The following L3MBTL4 variants were observed in gnomAD, a reference collection of about 807,000 sequenced individuals.
L3MBTL4 encodes the protein lethal(3)malignant brain tumor-like protein 4.
A neutral mutation model predicts 84.5 loss-of-function variants in L3MBTL4; 70 were observed. The observed-to-expected ratio is 0.83, with a 90% CI of 0.68 to 1.01. The LOEUF is 1.01. Among genes scored for constraint, L3MBTL4 ranks in the 50% least tolerant of loss-of-function variants. The pLI is 0.00. For synonymous variants in L3MBTL4, 274 were observed against 259.8 expected, an observed-to-expected ratio of 1.05 and a Z score of -0.52; for missense variants, 715 against 754.8, an observed-to-expected ratio of 0.95 and a Z score of 0.62.
intron 10 of L3MBTL4, among the ~76,000 whole-genome samples, chr18:6,230,039 G>A (rs148254467): frequency 2.6e-5 from 4 of 152,248 alleles, no homozygotes; most frequent in South Asian, 2.1e-4. Context: ...TAAAGATTAA[G>A]TTGAATCTGC....
chr18:6,099,611 G>T (rs1234484322), intron 14 of L3MBTL4, among the ~76,000 whole-genome samples: 278 of 39,916 alleles, frequency 7.0e-3, no homozygotes, highest in East Asian at 0.047. Context: ...TATATATGGA[G>T]AGAGAGAGAG....
chr18:5,984,249 A>G (rs1300566595), intron 16 of L3MBTL4, among the ~76,000 whole-genome samples: 2 of 152,238 alleles, frequency 1.3e-5, no homozygotes, highest in African/African-American at 4.8e-5. Context: ...AAATTTATTA[A>G]GACATACTGG....
intron 10 of L3MBTL4, among the ~76,000 whole-genome samples, chr18:6,226,091 C>T (rs1353619581): frequency 1.3e-5 from 2 of 152,062 alleles, no homozygotes; most frequent in African/African-American, 4.8e-5. Context: ...ATAAAATACA[C>T]CTGCTTAATA....
At chr18:6,184,039 C>T (rs1388593846) in intron 12 of L3MBTL4, among the ~76,000 whole-genome samples, 1 of 152,100 alleles carries the variant, frequency 6.6e-6, no homozygotes, top group Non-Finnish European at 1.5e-5. Flanking sequence ...TATGTAATTA[C>T]ATAATATCTA....
chr18:6,143,084 C>T (rs1234904469), intron 13 of L3MBTL4, among the ~76,000 whole-genome samples: 2 of 152,076 alleles, frequency 1.3e-5, no homozygotes, highest in African/African-American at 2.4e-5. Context: ...AAATACTCTC[C>T]ATCAGCTAAC....
At chr18:6,361,547 T>C (rs536347166) in intron 1 of L3MBTL4, among the ~76,000 whole-genome samples, 14 of 152,244 alleles carry the variant, frequency 9.2e-5, no homozygotes, top group African/African-American at 2.9e-4. Context: ...AATCCTTCTC[T>C]GAGAGGCTAG....
At chr18:6,254,072 T>C (rs1484778664) in intron 5 of L3MBTL4, among the ~76,000 whole-genome samples, 1 of 152,192 alleles carries the variant, frequency 6.6e-6, no homozygotes, top group Non-Finnish European at 1.5e-5. Flanking sequence ...TCTTCGGGCG[T>C]TCTAGAATCC....
At chr18:6,255,518 C>T (rs979287908) in intron 5 of L3MBTL4, among the ~76,000 whole-genome samples, 67 of 152,306 alleles carry the variant, frequency 4.4e-4, no homozygotes, top group African/African-American at 1.3e-3. Flanking sequence ...GGGAAATGAG[C>T]ATGAATGGGA....
chr18:6,170,002 C>T (rs1054916973), intron 13 of L3MBTL4, among the ~76,000 whole-genome samples: 7 of 152,128 alleles, frequency 4.6e-5, no homozygotes, highest in African/African-American at 1.4e-4. Context: ...TTTAATTGAG[C>T]ACATGCTACG....
In L3MBTL4 at chr18:6,246,059, G is replaced by C. The variant is rs16949698; in HGVS notation, c.220-1471C>G. On this transcript the variant is annotated intron_variant, in intron 5 of 18. Coordinates refer to ENST00000317931, the MANE Select transcript of L3MBTL4 (RefSeq NM_001330559.2). ...GTCCATACTTGAATTGATTGGCAAAGTCAGCTCTGTCATATATGGTTTCTA... is the reference window on the plus strand; with the variant it reads ...GTCCATACTTGAATTGATTGGCAAACTCAGCTCTGTCATATATGGTTTCTA... Among the ~76,000 whole-genome samples, 1,039 of 152,232 alleles carry C rather than the reference G, an allele frequency of 6.8e-3. 23 individuals carry two copies. The East Asian group carries it at 0.084, about 12-fold the overall frequency.
chr18:6,378,129 T>A (rs1395912178), intron 1 of L3MBTL4, among the ~76,000 whole-genome samples: 1 of 152,250 alleles, frequency 6.6e-6, no homozygotes, highest in Non-Finnish European at 1.5e-5. Context: ...TTGAGAAGTG[T>A]CTGTTCATAT....
chr18:6,405,988 A>G (rs1471199357), intron 1 of L3MBTL4, among the ~76,000 whole-genome samples: 1 of 148,646 alleles, frequency 6.7e-6, no homozygotes, highest in Non-Finnish European at 1.5e-5. Context: ...GCATTCAGGG[A>G]ATGAATGAAT....
At chr18:6,334,769 G>A (rs1241922792) in intron 1 of L3MBTL4, among the ~76,000 whole-genome samples, 1 of 152,134 alleles carries the variant, frequency 6.6e-6, no homozygotes, top group Non-Finnish European at 1.5e-5. Context: ...AGATTTCTTT[G>A]TGATTCCCAA....
chr18:6,188,925 A>G (rs557355621), intron 12 of L3MBTL4, among the ~76,000 whole-genome samples: 2 of 152,362 alleles, frequency 1.3e-5, no homozygotes, highest in African/African-American at 4.8e-5. Flanking sequence ...CTTCATTCTT[A>G]ACTGGATCAA....
chr18:6,289,401 T>G (rs2049743571), intron 4 of L3MBTL4, among the ~76,000 whole-genome samples: 1 of 152,198 alleles, frequency 6.6e-6, no homozygotes, highest in Non-Finnish European at 1.5e-5. Flanking sequence ...TGATTTTTAT[T>G]TATAAAATCT....
intron 1 of L3MBTL4, among the ~76,000 whole-genome samples, chr18:6,340,386 T>A (rs1410149781): frequency 2.6e-5 from 4 of 152,162 alleles, no homozygotes; most frequent in Non-Finnish European, 4.4e-5. Context: ...TCCCCCAAGG[T>A]GGCACAGCTC....
chr18:6,129,248 T>A (rs1188665933), intron 14 of L3MBTL4, among the ~76,000 whole-genome samples: 1 of 152,198 alleles, frequency 6.6e-6, no homozygotes, highest in Non-Finnish European at 1.5e-5. Context: ...GAATAATGCA[T>A]GGACCATCCA....
At chr18:6,028,757 G>T (rs961375099) in intron 16 of L3MBTL4, among the ~76,000 whole-genome samples, 1 of 152,050 alleles carries the variant, frequency 6.6e-6, no homozygotes, top group African/African-American at 2.4e-5. Context: ...TTCACAACTT[G>T]TATTCCCAGG....
At chr18:6,063,588 C>T (rs1196201445) in intron 16 of L3MBTL4, among the ~76,000 whole-genome samples, 1 of 151,322 alleles carries the variant, frequency 6.6e-6, no homozygotes, top group Non-Finnish European at 1.5e-5. Flanking sequence ...TATCTCATTG[C>T]ATTTCCCTGA....
Sources: gnomAD v4.1 joint callset for allele counts (sites outside exome capture counted in the v4.1 genomes callset) on GRCh38, gnomAD v4.1.1 for gene constraint, MANE v1.5 for transcripts, NCBI Gene and HGNC (gene_info 2026-07-23, HGNC 2026-07-21) for gene names.